The following ENTREP2 variants were observed in gnomAD, a reference collection of about 807,000 sequenced individuals.
ENTREP2 encodes the protein endosomal transmembrane epsin interactor 2.
At chr15:29,220,659 T>TA in the ENTREP2 span, among the ~76,000 whole-genome samples, 2 of 152,226 alleles carry the variant, frequency 1.3e-5, no homozygotes, top group African/African-American at 4.8e-5. Context: ...AGAACTCCTT[T>TA]AAAATCTCAA....
At chr15:29,490,417 T>G in the ENTREP2 span, among the ~76,000 whole-genome samples, 1 of 152,242 alleles carries the variant, frequency 6.6e-6, no homozygotes, top group Admixed American at 6.5e-5. Flanking sequence ...AGTTTGCGGC[T>G]GCTGGCTCCG....
the ENTREP2 span, among the ~76,000 whole-genome samples, chr15:29,404,338 A>AC: frequency 4.0e-5 from 6 of 150,738 alleles, no homozygotes; most frequent in Admixed American, 2.0e-4. Flanking sequence ...CATGAAGGGA[A>AC]CCCCCCCATC....
chr15:29,392,469 T>G, the ENTREP2 span, among the ~76,000 whole-genome samples: 2 of 151,890 alleles, frequency 1.3e-5, no homozygotes, highest in Non-Finnish European at 2.9e-5. Flanking sequence ...GAAAAATAGT[T>G]ACGCTGGAAA....
the ENTREP2 span, chr15:29,126,528 C>T: frequency 4.2e-5 from 64 of 1,528,958 alleles, 1 homozygote; most frequent in South Asian, 2.6e-4. Flanking sequence ...AGTGGGCGGC[C>T]GCAGGGGACG....
chr15:29,674,045 A>T, the ENTREP2 span, among the ~76,000 whole-genome samples: 9 of 139,796 alleles, frequency 6.4e-5, no homozygotes, highest in Admixed American at 5.3e-4. Context: ...ATCAGGTAGG[A>T]GGGTGACTGA....
At chr15:29,127,583 G>C in the ENTREP2 span, among the ~76,000 whole-genome samples, 168 of 152,272 alleles carry the variant, frequency 1.1e-3, 2 homozygotes, top group African/African-American at 3.9e-3. Context: ...GGGTCACACA[G>C]CCACCAAGGT....
the ENTREP2 span, among the ~76,000 whole-genome samples, chr15:29,314,563 G>A: frequency 6.6e-6 from 1 of 152,146 alleles, no homozygotes. Context: ...GACATATGCT[G>A]TGGCACACTT....
At chr15:29,272,056 C>T in the ENTREP2 span, among the ~76,000 whole-genome samples, 6 of 152,128 alleles carry the variant, frequency 3.9e-5, no homozygotes, top group Non-Finnish European at 5.9e-5. Flanking sequence ...TCCAGCAGCA[C>T]GCTTACCTAG....
At chr15:29,139,633 C>T in the ENTREP2 span, among the ~76,000 whole-genome samples, 5 of 152,188 alleles carry the variant, frequency 3.3e-5, no homozygotes, top group Non-Finnish European at 5.9e-5. Flanking sequence ...GGACCCTCTC[C>T]GCAGGTGCAA....
At chr15:29,564,675 C>A in the ENTREP2 span, among the ~76,000 whole-genome samples, 4 of 152,164 alleles carry the variant, frequency 2.6e-5, no homozygotes, top group Non-Finnish European at 4.4e-5. Context: ...AAAGGGTGAG[C>A]AGCTCATGGT....
chr15:29,133,732 T>C, the ENTREP2 span, among the ~76,000 whole-genome samples: 1 of 152,182 alleles, frequency 6.6e-6, no homozygotes, highest in Non-Finnish European at 1.5e-5. Flanking sequence ...TGTCATTCTG[T>C]GGGGCTCCCT....
the ENTREP2 span, among the ~76,000 whole-genome samples, chr15:29,412,553 C>A: frequency 6.6e-6 from 1 of 152,024 alleles, no homozygotes; most frequent in Admixed American, 6.6e-5. Flanking sequence ...TGTATTTTTT[C>A]TATAACTTAA....
the ENTREP2 span, among the ~76,000 whole-genome samples, chr15:29,188,663 C>G: frequency 6.6e-6 from 1 of 152,152 alleles, no homozygotes; most frequent in Non-Finnish European, 1.5e-5. Flanking sequence ...GCTCCTAAAT[C>G]CTTTGGAATT....
At chr15:29,536,078 T>C in the ENTREP2 span, among the ~76,000 whole-genome samples, 1 of 152,186 alleles carries the variant, frequency 6.6e-6, no homozygotes, top group African/African-American at 2.4e-5. Context: ...CAAGTGAATC[T>C]ACCTCCCACT....
At chr15:29,155,026 T>C in the ENTREP2 span, among the ~76,000 whole-genome samples, 1 of 151,592 alleles carries the variant, frequency 6.6e-6, no homozygotes. Flanking sequence ...CTCATGCCTG[T>C]AATCCCAGCA....
At chr15:29,524,156 A>ATT in the ENTREP2 span, among the ~76,000 whole-genome samples, 1 of 152,220 alleles carries the variant, frequency 6.6e-6, no homozygotes, top group African/African-American at 2.4e-5. Flanking sequence ...AAAATACATA[A>ATT]ATAACTGTTA....
At chr15:29,223,832 G>C in the ENTREP2 span, among the ~76,000 whole-genome samples, 2 of 152,170 alleles carry the variant, frequency 1.3e-5, no homozygotes, top group Non-Finnish European at 2.9e-5. Flanking sequence ...AGGTATCCCA[G>C]CAGACGAAAA....
the ENTREP2 span, among the ~76,000 whole-genome samples, chr15:29,663,003 G>A: frequency 4.6e-5 from 7 of 151,668 alleles, no homozygotes; most frequent in Admixed American, 2.0e-4. Flanking sequence ...GTGAGCCACC[G>A]CGCCTGGCCA....
At chr15:29,605,062 C>T in the ENTREP2 span, among the ~76,000 whole-genome samples, 1 of 152,214 alleles carries the variant, frequency 6.6e-6, no homozygotes, top group Non-Finnish European at 1.5e-5. Context: ...TGAGACAAAG[C>T]TTTGCAGTTT....
Sources: allele counts gnomAD v4.1 joint callset (sites outside exome capture counted in the v4.1 genomes callset), GRCh38; gene constraint gnomAD v4.1.1; transcripts MANE v1.5; gene names NCBI Gene and HGNC (gene_info 2026-07-23, HGNC 2026-07-21).